The following SPOCK3 variants were observed in gnomAD, a reference collection of about 807,000 sequenced individuals.
SPOCK3 encodes SPARC (osteonectin), cwcv and kazal like domains proteoglycan 3.
Under a neutral mutation model 56.6 loss-of-function variants are expected in SPOCK3, and 30 were observed. The ratio of observed to expected loss-of-function variants is 0.53; its 90% confidence interval spans 0.40 to 0.72. The LOEUF (loss-of-function observed/expected upper bound fraction) is 0.72. Among genes scored for constraint, SPOCK3 ranks in the 30% least tolerant of loss-of-function variants. The probability of loss-of-function intolerance (pLI) is 0.00; values close to 1 mark genes in which losing one functional copy is unlikely to be tolerated. For missense variants in SPOCK3, 527 were observed against 530.0 expected (o/e 0.99, Z 0.06); for synonymous variants, 196 against 183.3 (o/e 1.07, Z -0.56).
intron 2 of SPOCK3, among the ~76,000 whole-genome samples, chr4:167,219,099 G>A (rs983483824): frequency 3.3e-5 from 5 of 152,114 alleles, no homozygotes; most frequent in African/African-American, 1.2e-4. Flanking sequence ...TTGATACAAT[G>A]TTCTAGAAAA....
At chr4:167,094,634 G>A (rs1758990496) in intron 2 of SPOCK3, among the ~76,000 whole-genome samples, 1 of 151,988 alleles carries the variant, frequency 6.6e-6, no homozygotes, top group Non-Finnish European at 1.5e-5. Context: ...ATTTTAACTT[G>A]ATAAATAATA....
chr4:166,871,845 C>A (rs2126947914), intron 6 of SPOCK3, among the ~76,000 whole-genome samples: 1 of 150,350 alleles, frequency 6.7e-6, no homozygotes, highest in Middle Eastern at 3.5e-3. Context: ...AAAGAGTAAG[C>A]AGTATTCCAA....
At chr4:166,762,502 G>A (rs980679042) in intron 7 of SPOCK3, among the ~76,000 whole-genome samples, 1 of 146,246 alleles carries the variant, frequency 6.8e-6, no homozygotes. Context: ...AGAGAGTTGG[G>A]TACAGCCCAA....
At chr4:167,100,434 TTCTC>T (rs1030423979) in intron 2 of SPOCK3, among the ~76,000 whole-genome samples, 3 of 150,136 alleles carry the variant, frequency 2.0e-5, no homozygotes, top group Non-Finnish European at 3.0e-5. Flanking sequence ...CTCTCTTTCT[TTCTC>T]TCTGTCTCTC....
chr4:166,977,544 A>C (rs1461900843), intron 4 of SPOCK3, among the ~76,000 whole-genome samples: 2 of 151,964 alleles, frequency 1.3e-5, no homozygotes, highest in Non-Finnish European at 2.9e-5. Flanking sequence ...TGAATTGCAG[A>C]AATTCCAGAA....
Position 166,980,599 on chromosome 4 carries a change from G to A in SPOCK3, c.350+19750C>T, listed in dbSNP as rs547016918. On this transcript the variant is annotated intron_variant, in intron 4 of 10. Transcript: ENST00000357545. ...AGCCAGGAGCAGAGTGGTGCAGGGT[G>A]CTTGCATGAGCAAGCGTGGGGTCCG... Among the ~76,000 whole-genome samples the A allele has an allele frequency of 7.2e-5, 11 of 152,358 alleles. No individual in the cohort carries two copies. The South Asian group carries it at 2.3e-3, about 32-fold the overall frequency.
chr4:166,915,867 A>C (rs536401965), intron 4 of SPOCK3, among the ~76,000 whole-genome samples: 1 of 152,306 alleles, frequency 6.6e-6, no homozygotes, highest in Admixed American at 6.5e-5. Context: ...AGTTATCTGA[A>C]ATTATTAACA....
chr4:167,223,651 A>G lies in SPOCK3; in HGVS notation c.189+10334T>C, dbSNP rs75527873. Among the ~76,000 whole-genome samples the G allele has an allele frequency of 1.4e-4, 22 of 152,130 alleles. No individual in the cohort carries two copies. The East Asian group carries it at 4.3e-3, about 29-fold the overall frequency. ...TTCCATATGGGGATATTACTAATTA[A>G]TACATTTTTAAAAACTAGTCAGGCA... On this transcript the variant is annotated intron_variant, in intron 2 of 10. Coordinates refer to ENST00000357545, the MANE Select transcript of SPOCK3 (RefSeq NM_001040159.2).
chr4:166,734,533 A>AAAT lies in SPOCK3; in HGVS notation c.*385_*387dup, dbSNP rs1734025772. 6.4e-6 allele frequency: 1 copy of AAAT among 156,368 alleles called. No homozygotes were observed. The highest frequency in any genetic ancestry group is 6.5e-5 in the Admixed American group (1 of 15,346). The allele number at this position is 156,368 out of a possible 1,614,324, so 9.7% of individuals were successfully genotyped here. A position where few individuals can be genotyped will look rare whatever the true frequency, so the allele number is the denominator to read the frequency against. On this transcript the variant is annotated 3_prime_UTR_variant, in exon 11 of 11. Coordinates refer to ENST00000357545, the MANE Select transcript of SPOCK3 (RefSeq NM_001040159.2). Reference sequence around the variant, plus strand: ...AAATCCTTAAGACCCAGGTCATTAAAAATTTATTTATTTTAAATTTCACTT... The same window carrying AAAT: ...AAATCCTTAAGACCCAGGTCATTAAAAATAATTTATTTATTTTAAATTTCACTT...
chr4:167,002,501 A>G (rs1032754939), intron 3 of SPOCK3, among the ~76,000 whole-genome samples: 1 of 152,136 alleles, frequency 6.6e-6, no homozygotes, highest in Non-Finnish European at 1.5e-5. Flanking sequence ...TAAATGTTTC[A>G]ATTTTCTCCA....
At chr4:166,889,067 A>G in intron 6 of SPOCK3, 63 bp downstream of exon 6, 1 of 981,948 alleles carries the variant, frequency 1.0e-6, no homozygotes, top group Non-Finnish European at 1.6e-6. Flanking sequence ...GACAACATCT[A>G]TTGCAAAACA....
chr4:167,052,604 T>C (rs554750028), intron 3 of SPOCK3, among the ~76,000 whole-genome samples: 4 of 152,244 alleles, frequency 2.6e-5, no homozygotes, highest in African/African-American at 9.6e-5. Context: ...CTCCACTGAA[T>C]TTCAATACTG....
chr4:166,865,735 A>G (rs1434646028), intron 6 of SPOCK3, among the ~76,000 whole-genome samples: 4 of 152,108 alleles, frequency 2.6e-5, no homozygotes, highest in Non-Finnish European at 5.9e-5. Context: ...GACATAAAGG[A>G]CCTCTTCAAG....
chr4:166,928,323 G>A (rs1372849709), intron 4 of SPOCK3, among the ~76,000 whole-genome samples: 2 of 152,182 alleles, frequency 1.3e-5, no homozygotes, highest in Non-Finnish European at 2.9e-5. Flanking sequence ...TTGGAAGCAA[G>A]CAACACGTCC....
chr4:167,065,112 A>G (rs911018559), intron 2 of SPOCK3, among the ~76,000 whole-genome samples: 10 of 149,504 alleles, frequency 6.7e-5, no homozygotes, highest in African/African-American at 2.5e-4. Flanking sequence ...TAGTAAATGC[A>G]AGAAGAAAAA....
At chr4:167,144,330 T>C (rs1334675930) in intron 2 of SPOCK3, among the ~76,000 whole-genome samples, 1 of 151,986 alleles carries the variant, frequency 6.6e-6, no homozygotes, top group East Asian at 1.9e-4. Flanking sequence ...TAATGTACAG[T>C]CAATTACCCA....
intron 3 of SPOCK3, among the ~76,000 whole-genome samples, chr4:167,013,686 A>T (rs1450171621): frequency 6.6e-6 from 1 of 151,974 alleles, no homozygotes; most frequent in Non-Finnish European, 1.5e-5. Flanking sequence ...TATATCTATG[A>T]TTTAGTTAAC....
chr4:167,011,579 G>T (rs573072610), intron 3 of SPOCK3, among the ~76,000 whole-genome samples: 113 of 152,096 alleles, frequency 7.4e-4, no homozygotes, highest in African/African-American at 2.7e-3. Context: ...GTTTCCCCAG[G>T]ATCAATGTTG....
chr4:167,048,772 T>G (rs1328905147), intron 3 of SPOCK3, among the ~76,000 whole-genome samples: 2 of 152,162 alleles, frequency 1.3e-5, no homozygotes, highest in African/African-American at 4.8e-5. Flanking sequence ...GCAGTCATAG[T>G]ATATTTATTT....
Sources: allele counts gnomAD v4.1 joint callset (sites outside exome capture counted in the v4.1 genomes callset), GRCh38; gene constraint gnomAD v4.1.1; transcripts MANE v1.5; gene names NCBI Gene and HGNC (gene_info 2026-07-23, HGNC 2026-07-21).